Variants in FGGY observed in about 807,000 individuals in gnomAD.
FGGY encodes FGGY carbohydrate kinase domain-containing protein.
In FGGY, 72 loss-of-function variants were observed where a neutral mutation model predicts 71.3. The ratio of observed to expected loss-of-function variants is 1.01; its 90% CI spans 0.84 to 1.23. The LOEUF (loss-of-function observed/expected upper bound fraction) is 1.23, where lower values mean the gene tolerates loss of function less well. Among genes scored for constraint, FGGY ranks in the 50% most tolerant of loss-of-function variants. FGGY has a pLI of 0.00. For synonymous variants in FGGY, 251 were observed against 250.3 expected (o/e 1.00, Z -0.02); for missense variants, 668 against 682.3 (o/e 0.98, Z 0.23).
intron 9 of FGGY, among the ~76,000 whole-genome samples, chr1:59,620,705 T>C (rs1195008425): frequency 2.0e-5 from 3 of 152,102 alleles, no homozygotes; most frequent in Admixed American, 2.0e-4. Context: ...GTTGCTCTAG[T>C]AATTATAATA....
intron 7 of FGGY, among the ~76,000 whole-genome samples, chr1:59,535,377 A>G (rs2095284878): frequency 6.6e-6 from 1 of 152,190 alleles, no homozygotes; most frequent in South Asian, 2.1e-4. Context: ...CCACACATTA[A>G]TAATGGGAGA....
intron 8 of FGGY, among the ~76,000 whole-genome samples, chr1:59,584,931 A>G (rs1045663552): frequency 1.5e-5 from 2 of 137,330 alleles, no homozygotes; most frequent in Admixed American, 1.4e-4. Context: ...TGCTTCAAAG[A>G]GAATAAAATA....
intron 14 of FGGY, among the ~76,000 whole-genome samples, chr1:59,720,705 A>T (rs1174718033): frequency 6.6e-6 from 1 of 152,166 alleles, no homozygotes; most frequent in Non-Finnish European, 1.5e-5. Flanking sequence ...TGTTATGATG[A>T]ATACTTGTGC....
intron 5 of FGGY, among the ~76,000 whole-genome samples, chr1:59,455,773 A>G (rs978924018): frequency 5.3e-5 from 8 of 152,206 alleles, no homozygotes; most frequent in Admixed American, 3.3e-4. Flanking sequence ...CCTAACCCAG[A>G]ACTGGAATCT....
At chr1:59,559,447 T>G (rs2095749323) in intron 8 of FGGY, among the ~76,000 whole-genome samples, 2 of 152,218 alleles carry the variant, frequency 1.3e-5, no homozygotes, top group African/African-American at 4.8e-5. Context: ...TGCAGATGGA[T>G]GCATATAGAA....
At chr1:59,568,459 G>C (rs1266184959) in intron 8 of FGGY, among the ~76,000 whole-genome samples, 1 of 139,264 alleles carries the variant, frequency 7.2e-6, no homozygotes, top group Non-Finnish European at 1.6e-5. Context: ...CTATGGTCGG[G>C]GGGGCGGGGG....
chr1:59,700,348 G>A (rs1259706068), intron 14 of FGGY, among the ~76,000 whole-genome samples: 1 of 152,138 alleles, frequency 6.6e-6, no homozygotes, highest in Non-Finnish European at 1.5e-5. Context: ...TTTTTTATAT[G>A]CCAAGCACTG....
intron 5 of FGGY, among the ~76,000 whole-genome samples, chr1:59,424,801 G>A (rs2066054921): frequency 1.3e-5 from 2 of 152,234 alleles, no homozygotes; most frequent in Admixed American, 1.3e-4. Flanking sequence ...TGCTGTTTAG[G>A]GTCAAAGGAA....
intron 5 of FGGY, among the ~76,000 whole-genome samples, chr1:59,428,113 T>A (rs1176150432): frequency 6.6e-6 from 1 of 152,218 alleles, no homozygotes; most frequent in Non-Finnish European, 1.5e-5. Flanking sequence ...TGAGACTTGA[T>A]GGTCATTTCT....
chr1:59,608,904 G>T (rs1334905865), intron 9 of FGGY, among the ~76,000 whole-genome samples: 2 of 152,132 alleles, frequency 1.3e-5, no homozygotes, highest in African/African-American at 4.8e-5. Flanking sequence ...GTTCATAGAA[G>T]GTACTTAATA....
At chr1:59,676,278 C>A (rs1048994871) in intron 14 of FGGY, among the ~76,000 whole-genome samples, 1 of 152,036 alleles carries the variant, frequency 6.6e-6, no homozygotes, top group African/African-American at 2.4e-5. Context: ...ACAGAAAGGG[C>A]AGAAGCAGAA....
intron 6 of FGGY, among the ~76,000 whole-genome samples, chr1:59,508,553 T>C (rs751611766): frequency 6.6e-6 from 1 of 152,200 alleles, no homozygotes; most frequent in Non-Finnish European, 1.5e-5. Flanking sequence ...CTCTGACAGC[T>C]CTAGTGCCCT....
intron 11 of FGGY, among the ~76,000 whole-genome samples, chr1:59,640,571 A>T (rs2097013545): frequency 1.3e-5 from 2 of 151,556 alleles, no homozygotes; most frequent in African/African-American, 4.9e-5. Flanking sequence ...ATAAAGCAAG[A>T]TCCATGTACA....
chr1:59,371,298 A>C (rs1014171508), intron 4 of FGGY, among the ~76,000 whole-genome samples: 4 of 152,156 alleles, frequency 2.6e-5, no homozygotes, highest in Non-Finnish European at 5.9e-5. Context: ...CAAAGATCAA[A>C]AGAGACAAAG....
At chr1:59,552,868 G>A (rs1046304576) in intron 7 of FGGY, among the ~76,000 whole-genome samples, 14 of 152,178 alleles carry the variant, frequency 9.2e-5, no homozygotes, top group Admixed American at 6.5e-4. Flanking sequence ...GGTAGGTCCT[G>A]GGCTATGCAT....
intron 4 of FGGY, among the ~76,000 whole-genome samples, chr1:59,366,375 A>G (rs1308647609): frequency 6.6e-6 from 1 of 152,092 alleles, no homozygotes. Flanking sequence ...AGTGACATAA[A>G]TATTTATTCC....
intron 5 of FGGY, among the ~76,000 whole-genome samples, chr1:59,437,085 C>T (rs1229443880): frequency 6.6e-6 from 1 of 152,214 alleles, no homozygotes; most frequent in Admixed American, 6.5e-5. Flanking sequence ...TCTTCCTTAT[C>T]CTTCATACCT....
intron 8 of FGGY, among the ~76,000 whole-genome samples, chr1:59,580,288 A>G (rs2096167620): frequency 6.6e-6 from 1 of 152,100 alleles, no homozygotes; most frequent in Admixed American, 6.6e-5. Flanking sequence ...CTTGCATGTA[A>G]TAGACTCTCA....
At chr1:59,761,645 C>G (rs939514362) in intron 15 of FGGY, among the ~76,000 whole-genome samples, 2 of 152,186 alleles carry the variant, frequency 1.3e-5, no homozygotes, top group African/African-American at 2.4e-5. Flanking sequence ...TGATTCATGG[C>G]CAATACCAGT....
Sources: allele counts gnomAD v4.1 joint callset (sites outside exome capture counted in the v4.1 genomes callset), GRCh38; gene constraint gnomAD v4.1.1; transcripts MANE v1.5; gene names NCBI Gene and HGNC (gene_info 2026-07-23, HGNC 2026-07-21).